The following FRMD6 variants were observed in gnomAD, a reference collection of about 807,000 sequenced individuals.
FRMD6 encodes the protein FERM domain containing 6.
Under a neutral mutation model 73.2 loss-of-function variants are expected in FRMD6, and 37 were observed. The ratio of observed to expected loss-of-function variants is 0.51; its 90% confidence interval spans 0.39 to 0.66. The LOEUF is 0.66. Ranked by LOEUF, FRMD6 falls within the 30% of genes least tolerant of loss-of-function variation. FRMD6 has a pLI of 0.00. For missense variants in FRMD6, 714 were observed against 780.5 expected (o/e 0.91, Z 1.02); for synonymous variants, 273 against 282.2 (o/e 0.97, Z 0.33).
At chr14:51,435,920 C>A in the FRMD6 span, 1 of 157,210 alleles carries the variant, frequency 6.4e-6, no homozygotes, top group Non-Finnish European at 1.4e-5. Context: ...TATTAAATGT[C>A]AACTAAAAAA....
At chr14:51,433,520 G>A in the FRMD6 span, among the ~76,000 whole-genome samples, 4 of 152,180 alleles carry the variant, frequency 2.6e-5, no homozygotes, top group African/African-American at 7.2e-5. Context: ...ATACATATCT[G>A]CTCATTTGTG....
rs915470451 is a variant in FRMD6, at chr14:51,729,419, CAG to C, written c.*1391_*1392del. 1 of 152,662 alleles carries C rather than the reference CAG, an allele frequency of 6.6e-6. No homozygotes were observed. The highest frequency in any genetic ancestry group is 2.1e-4 in the South Asian group (1 of 4,822). 9.5% of individuals were successfully genotyped at this position (152,662 alleles called of 1,614,324 possible). A position where few individuals can be genotyped will look rare whatever the true frequency, so the allele number is the denominator to read the frequency against. ...GTTACAATATATAATGAAACCAAGTCAGGGGAGTGAATTTATCAATCTTTTGA... is the reference window on the plus strand; with the variant it reads ...GTTACAATATATAATGAAACCAAGTCGGGAGTGAATTTATCAATCTTTTGA... On this transcript the variant is annotated 3_prime_UTR_variant, in exon 14 of 14. Coordinates refer to ENST00000344768, the MANE Select transcript of FRMD6 (RefSeq NM_001267046.2).
At chr14:51,598,244 C>T (rs908973382) in intron 2 of FRMD6, among the ~76,000 whole-genome samples, 8 of 152,138 alleles carry the variant, frequency 5.3e-5, no homozygotes, top group Non-Finnish European at 4.4e-5. Context: ...AATCTATAAT[C>T]ACAGACACAG....
chr14:51,627,324 T>G (rs1891155642), intron 2 of FRMD6, among the ~76,000 whole-genome samples: 1 of 152,220 alleles, frequency 6.6e-6, no homozygotes, highest in African/African-American at 2.4e-5. Flanking sequence ...CTTATGTATG[T>G]TTGTGGATGA....
intron 2 of FRMD6, among the ~76,000 whole-genome samples, chr14:51,634,767 T>G (rs1258477130): frequency 6.6e-6 from 1 of 152,236 alleles, no homozygotes; most frequent in African/African-American, 2.4e-5. Flanking sequence ...AGGCTTGAAC[T>G]CTGGCCCTGC....
intron 1 of FRMD6, among the ~76,000 whole-genome samples, chr14:51,669,498 T>A (rs1192037930): frequency 2.0e-5 from 3 of 152,220 alleles, no homozygotes; most frequent in African/African-American, 7.2e-5. Context: ...TTCTAGTTGC[T>A]CCAGATTCTC....
At chr14:51,401,718 A>G in the FRMD6 span, among the ~76,000 whole-genome samples, 14,486 of 152,222 alleles carry the variant, frequency 0.095, 813 homozygotes, top group African/African-American at 0.16. Context: ...GAGGCACGTG[A>G]CTGAGACTAA....
chr14:51,711,066 G>A (rs1896918148), intron 7 of FRMD6, among the ~76,000 whole-genome samples: 1 of 152,084 alleles, frequency 6.6e-6, no homozygotes, highest in Admixed American at 6.6e-5. Flanking sequence ...GCTGGAAGAT[G>A]TGCCCAGTTT....
intron 1 of FRMD6, among the ~76,000 whole-genome samples, chr14:51,492,396 G>A (rs1296719717): frequency 2.0e-5 from 3 of 152,118 alleles, no homozygotes; most frequent in African/African-American, 7.2e-5. Flanking sequence ...CAAATCTTCT[G>A]TAATGTGGAT....
At chr14:51,614,153 C>G (rs1048036096) in intron 2 of FRMD6, among the ~76,000 whole-genome samples, 2 of 152,244 alleles carry the variant, frequency 1.3e-5, no homozygotes, top group Admixed American at 1.3e-4. Context: ...TCTCATAGCT[C>G]ATGAAACACA....
the FRMD6 span, among the ~76,000 whole-genome samples, chr14:51,423,153 T>C: frequency 6.6e-6 from 1 of 152,218 alleles, no homozygotes; most frequent in Non-Finnish European, 1.5e-5. Context: ...GTTGCGTAGC[T>C]TATTCTGTCT....
At chr14:51,496,576 C>G (rs966676046) in intron 1 of FRMD6, among the ~76,000 whole-genome samples, 5 of 152,156 alleles carry the variant, frequency 3.3e-5, no homozygotes, top group African/African-American at 1.2e-4. Flanking sequence ...GTAAAAGCTG[C>G]GAAGCCTCTT....
At chr14:51,660,462 T>A (rs993367212) in intron 1 of FRMD6, among the ~76,000 whole-genome samples, 1 of 152,164 alleles carries the variant, frequency 6.6e-6, no homozygotes, top group Admixed American at 6.5e-5. Context: ...AGCAACAGAA[T>A]GTGCAAGATC....
chr14:51,407,949 G>A, the FRMD6 span, among the ~76,000 whole-genome samples: 2,099 of 152,108 alleles, frequency 0.014, 38 homozygotes, highest in Non-Finnish European at 0.019. Context: ...CAAATTTATG[G>A]GCATAAACTC....
chr14:51,496,909 TG>T (rs1241429889), intron 1 of FRMD6, among the ~76,000 whole-genome samples: 14 of 152,352 alleles, frequency 9.2e-5, no homozygotes, highest in African/African-American at 3.4e-4. Flanking sequence ...ATTTCTCACA[TG>T]TAATTTCTCT....
upstream of FRMD6, among the ~76,000 whole-genome samples, chr14:51,648,921 C>G (rs1172833334): frequency 6.6e-6 from 1 of 152,116 alleles, no homozygotes; most frequent in Non-Finnish European, 1.5e-5. Flanking sequence ...TAATGTTTCC[C>G]TGGTGGGCAA....
upstream of FRMD6, among the ~76,000 whole-genome samples, chr14:51,486,027 C>CTTT (rs36049787): frequency 1.8e-3 from 251 of 138,034 alleles, no homozygotes; most frequent in East Asian, 3.6e-3. Context: ...ACTTCCTTTT[C>CTTT]TTTTTTTTTT....
At chr14:51,651,782 A>C (rs1300366695), upstream of FRMD6, 6 of 116,702 alleles carry the variant, frequency 5.1e-5, no homozygotes, top group Admixed American at 1.9e-4. Flanking sequence ...CGCCGCGGCC[A>C]GTTGGGGCGG....
At chr14:51,686,335 A>G (rs891581643) in intron 1 of FRMD6, among the ~76,000 whole-genome samples, 2 of 152,076 alleles carry the variant, frequency 1.3e-5, no homozygotes, top group African/African-American at 4.8e-5. Context: ...ACAAAACTGC[A>G]TACTTTTAGG....
Sources: allele counts gnomAD v4.1 joint callset (sites outside exome capture counted in the v4.1 genomes callset), GRCh38; gene constraint gnomAD v4.1.1; transcripts MANE v1.5; gene names NCBI Gene and HGNC (gene_info 2026-07-23, HGNC 2026-07-21).